The following AKAP6 variants were observed in gnomAD, a reference collection of about 807,000 sequenced individuals.
AKAP6 encodes A-kinase anchoring protein 6, also known as A-kinase anchor protein 6.
AKAP6 carries 58 observed loss-of-function variants against 188.5 expected under a neutral mutation model. The ratio of observed to expected loss-of-function variants is 0.31; its 90% CI spans 0.25 to 0.38. The LOEUF is 0.38. Ranked by LOEUF, AKAP6 falls within the 10% of genes least tolerant of loss-of-function variation. AKAP6 has a pLI of 1.00. For synonymous variants in AKAP6, 989 were observed against 998.6 expected (o/e 0.99, Z 0.18); for missense variants, 2,710 against 2,740.0 (o/e 0.99, Z 0.24).
In AKAP6 at chr14:32,387,404, T is replaced by TTCAG. The variant is rs541774550; in HGVS notation, c.-34-46054_-34-46051dup. Among the ~76,000 whole-genome samples the TTCAG allele has an allele frequency of 3.6e-3, 541 of 151,566 alleles. 4 individuals carry two copies. The highest frequency in any genetic ancestry group is 0.012 in the African/African-American group (483 of 41,464). On this transcript the variant is annotated intron_variant, in intron 1 of 13. Transcript: ENST00000280979. The stretch of plus-strand genomic sequence containing the variant: ...AGGGAATGCTTTCAACTTTTCCCCA[T>TTCAG]TCAGTATTATGTTTGCTGTGGGTTT...
intron 7 of AKAP6, among the ~76,000 whole-genome samples, chr14:32,608,448 T>A (rs1411913753): frequency 7.0e-6 from 1 of 143,670 alleles, no homozygotes; most frequent in Non-Finnish European, 1.5e-5. Flanking sequence ...TGCAGTGAGC[T>A]GAGATTGTGC....
intron 5 of AKAP6, among the ~76,000 whole-genome samples, chr14:32,593,251 G>A (rs1181939527): frequency 6.6e-6 from 1 of 152,168 alleles, no homozygotes; most frequent in Non-Finnish European, 1.5e-5. Context: ...GGCAGTGTCA[G>A]TCAATAAGGA....
At chr14:32,388,794 G>T (rs962125334) in intron 1 of AKAP6, among the ~76,000 whole-genome samples, 44 of 152,126 alleles carry the variant, frequency 2.9e-4, no homozygotes, top group African/African-American at 1.0e-3. Context: ...ATTGGAGAAA[G>T]TTCCATGCAC....
In AKAP6 at chr14:32,824,050, C is replaced by T. The variant is rs765006220; in HGVS notation, c.6237C>T (p.Asn2079=). Residue 2079 remains asparagine (N), a synonymous_variant, in exon 13 of 14, where the codon AAC becomes AAT. Transcript: ENST00000280979. ...TAAAAAGTAAATCTCAACCTGAAAACGAGGTGGCTGCTCCTACTTCATTAA... is the reference window on the plus strand; with the variant it reads ...TAAAAAGTAAATCTCAACCTGAAAATGAGGTGGCTGCTCCTACTTCATTAA... ...TALKSKSQPE[N]EVAAPTSLTQ... is the part of the protein sequence containing the mutation. The T allele has an allele frequency of 3.6e-5, 58 of 1,613,752 alleles. No individual in the cohort carries two copies. Among genetic ancestry groups the T allele is most frequent in the South Asian group, 2.3e-4 (21 of 91,074 alleles).
At chr14:32,580,987 A>C (rs1379782551) in intron 5 of AKAP6, among the ~76,000 whole-genome samples, 1 of 152,084 alleles carries the variant, frequency 6.6e-6, no homozygotes, top group African/African-American at 2.4e-5. Flanking sequence ...AGTCTTTGCT[A>C]TTGTGAATAG....
intron 1 of AKAP6, among the ~76,000 whole-genome samples, chr14:32,360,685 C>T (rs1174471487): frequency 1.3e-5 from 2 of 150,540 alleles, no homozygotes; most frequent in African/African-American, 4.9e-5. Context: ...TAATACATTG[C>T]CCAGATTGTT....
At chr14:32,681,199 T>G (rs1889661860) in intron 8 of AKAP6, among the ~76,000 whole-genome samples, 1 of 152,232 alleles carries the variant, frequency 6.6e-6, no homozygotes, top group East Asian at 1.9e-4. Flanking sequence ...TATAACCATC[T>G]CTTTTTCAGA....
intron 7 of AKAP6, among the ~76,000 whole-genome samples, chr14:32,625,945 A>C (rs551879513): frequency 2.2e-4 from 33 of 152,156 alleles, no homozygotes; most frequent in Non-Finnish European, 4.3e-4. Flanking sequence ...AAAGGGACTA[A>C]ATAAGAAGCC....
intron 4 of AKAP6, among the ~76,000 whole-genome samples, chr14:32,558,293 GT>G (rs145189330): frequency 0.032 from 4,901 of 152,224 alleles, 243 homozygotes; most frequent in African/African-American, 0.11. Flanking sequence ...CTAAAATTTT[GT>G]TTTAGGTCCT....
At chr14:32,726,648 AAAGCACTAC>A (rs1173371722) in intron 9 of AKAP6, among the ~76,000 whole-genome samples, 1 of 152,262 alleles carries the variant, frequency 6.6e-6, no homozygotes, top group Non-Finnish European at 1.5e-5. Context: ...AATTAATGTG[AAAGCACTAC>A]AATGCCTATG....
At chr14:32,804,457 G>A (rs2034036279) in intron 12 of AKAP6, among the ~76,000 whole-genome samples, 1 of 152,122 alleles carries the variant, frequency 6.6e-6, no homozygotes, top group African/African-American at 2.4e-5. Flanking sequence ...TTTCAAAAGG[G>A]GAGAGTGTGT....
At chr14:32,440,166 C>T (rs945328805) in intron 2 of AKAP6, among the ~76,000 whole-genome samples, 1 of 152,148 alleles carries the variant, frequency 6.6e-6, no homozygotes, top group Admixed American at 6.6e-5. Context: ...CATGTCCCTA[C>T]AAAGGACATG....
chr14:32,671,140 G>A (rs1469955396), intron 7 of AKAP6, among the ~76,000 whole-genome samples: 1 of 152,164 alleles, frequency 6.6e-6, no homozygotes. Flanking sequence ...GTGAGTTGTA[G>A]TTTTAAGTAG....
chr14:32,746,291 C>T (rs139036721), intron 11 of AKAP6, among the ~76,000 whole-genome samples: 10 of 152,218 alleles, frequency 6.6e-5, no homozygotes, highest in South Asian at 2.1e-4. Context: ...CACCTGAAGC[C>T]GCAAGTCTCA....
intron 7 of AKAP6, among the ~76,000 whole-genome samples, chr14:32,620,756 T>G (rs891326166): frequency 6.6e-6 from 1 of 152,050 alleles, no homozygotes; most frequent in Non-Finnish European, 1.5e-5. Flanking sequence ...TCTTTGAATA[T>G]CTGGTAGAAT....
intron 1 of AKAP6, among the ~76,000 whole-genome samples, chr14:32,394,970 A>G (rs1264095575): frequency 6.6e-6 from 1 of 152,160 alleles, no homozygotes; most frequent in East Asian, 1.9e-4. Context: ...GAAACATTTC[A>G]GGGCCACCTT....
chr14:32,728,195 C>G (rs1026302913), intron 9 of AKAP6, among the ~76,000 whole-genome samples: 1 of 139,120 alleles, frequency 7.2e-6, no homozygotes, highest in Admixed American at 7.6e-5. Context: ...TAGACACATC[C>G]CTGGATTTTT....
At chr14:32,800,177 TATATATATACAC>T (rs1566720909) in intron 12 of AKAP6, among the ~76,000 whole-genome samples, 1 of 52,990 alleles carries the variant, frequency 1.9e-5, no homozygotes, top group Non-Finnish European at 4.3e-5. Flanking sequence ...TATATATACA[TATATATATACAC>T]ATATATATAC....
intron 2 of AKAP6, among the ~76,000 whole-genome samples, chr14:32,531,020 T>A (rs17503797): frequency 0.44 from 67,532 of 152,048 alleles, 16,525 homozygotes; most frequent in African/African-American, 0.66. Context: ...TCTCATTGAC[T>A]GGAGACAGCA....
Sources: gnomAD v4.1 joint callset for allele counts (sites outside exome capture counted in the v4.1 genomes callset) on GRCh38, gnomAD v4.1.1 for gene constraint, MANE v1.5 for transcripts, NCBI Gene and HGNC (gene_info 2026-07-23, HGNC 2026-07-21) for gene names.